Variants in ELAVL4 observed in about 807,000 individuals in gnomAD.
ELAVL4 encodes the protein ELAV-like protein 4.
A neutral mutation model predicts 35.6 loss-of-function variants in ELAVL4; 1 was observed. The observed-to-expected ratio is 0.03, with a 90% CI of 0.01 to 0.13. ELAVL4 has a LOEUF of 0.13. ELAVL4 is among the 10% of genes least tolerant of loss of function. The probability of loss-of-function intolerance (pLI) is 1.00; values close to 1 mark genes in which losing one functional copy is unlikely to be tolerated. For synonymous variants in ELAVL4, 156 were observed against 171.0 expected (o/e 0.91, Z 0.69); for missense variants, 267 against 464.9 (o/e 0.57, Z 3.91).
chr1:50,099,770 C>A (rs905776348), upstream of ELAVL4, among the ~76,000 whole-genome samples: 5 of 152,048 alleles, frequency 3.3e-5, no homozygotes, highest in African/African-American at 1.2e-4. Context: ...ATCAGTCACT[C>A]TCTACACCAC....
intron 2 of ELAVL4, among the ~76,000 whole-genome samples, chr1:50,148,211 GAGTCACCCC>G (rs1320740756): frequency 1.5e-4 from 23 of 152,154 alleles, no homozygotes; most frequent in African/African-American, 5.6e-4. Context: ...GTGGAGCTGG[GAGTCACCCC>G]TACTTTCCAA....
chr1:50,104,183 G>A (rs1666137951), upstream of ELAVL4, among the ~76,000 whole-genome samples: 3 of 152,092 alleles, frequency 2.0e-5, no homozygotes, highest in Admixed American at 2.0e-4. Flanking sequence ...CCAGTCCCCA[G>A]TATCCCCTTT....
At chr1:50,065,295 G>T (rs751864482) in intron 1 of ELAVL4, among the ~76,000 whole-genome samples, 3 of 152,160 alleles carry the variant, frequency 2.0e-5, no homozygotes, top group East Asian at 1.9e-4. Context: ...GAAGGAAAAG[G>T]TTAGAACAGA....
In ELAVL4 at chr1:50,133,580, G is replaced by GAGAA. The variant is rs758205798; in HGVS notation, c.10-11359_10-11356dup. Among the ~76,000 whole-genome samples the GAGAA allele has an allele frequency of 2.1e-4, 19 of 89,460 alleles. No individual in the cohort carries two copies. The South Asian group carries it at 2.4e-3, about 12-fold the overall frequency. 58.7% of individuals were successfully genotyped at this position (89,460 alleles called of 152,430 possible). The stretch of plus-strand genomic sequence containing the variant: ...TCTTATAAAAAGAAAGAAAGAGAGA[G>GAGAA]AGAAAGAAAGAAAGAAAGAAAAGAA... On this transcript the variant is annotated intron_variant, in intron 1 of 6. Transcript: ENST00000371824.
At chr1:50,099,024 A>G (rs748810069), upstream of ELAVL4, among the ~76,000 whole-genome samples, 6 of 152,234 alleles carry the variant, frequency 3.9e-5, no homozygotes, top group Non-Finnish European at 7.3e-5. Context: ...GGCTTTTTAT[A>G]ATAAGTCAGC....
intron 1 of ELAVL4, among the ~76,000 whole-genome samples, chr1:50,113,220 CTT>C (rs560487194): frequency 1.4e-5 from 2 of 144,374 alleles, no homozygotes; most frequent in African/African-American, 2.5e-5. Context: ...CAGAGTAAGT[CTT>C]TTTTTTTTTG....
At chr1:50,102,163 A>T (rs572911656), upstream of ELAVL4, among the ~76,000 whole-genome samples, 56 of 151,918 alleles carry the variant, frequency 3.7e-4, 1 homozygote, top group South Asian at 8.5e-3. Context: ...GGCGGGCACC[A>T]GTAGTCCCAG....
At chr1:50,106,530 G>A, upstream of ELAVL4, 1 of 647,398 alleles carries the variant, frequency 1.5e-6, no homozygotes, top group Non-Finnish European at 2.7e-6. Flanking sequence ...GCATGACTGG[G>A]AGACTCGCCT....
At chr1:50,146,974 G>C (rs1247946461) in intron 2 of ELAVL4, among the ~76,000 whole-genome samples, 1 of 151,966 alleles carries the variant, frequency 6.6e-6, no homozygotes, top group African/African-American at 2.4e-5. Flanking sequence ...TGCTAATTTG[G>C]TAGTTCACCG....
chr1:50,197,699 C>G (rs1336512294), intron 6 of ELAVL4: 1 of 436,606 alleles, frequency 2.3e-6, no homozygotes, highest in East Asian at 3.7e-5. Flanking sequence ...AGGTGGGCTT[C>G]TCCTATGGTT....
chr1:50,116,669 T>C (rs1054725869), intron 1 of ELAVL4, among the ~76,000 whole-genome samples: 4 of 152,116 alleles, frequency 2.6e-5, no homozygotes, highest in African/African-American at 4.8e-5. Flanking sequence ...TTCTAAGTGC[T>C]ACTTAAAAGT....
chr1:50,127,625 C>T (rs1396091719), intron 1 of ELAVL4, among the ~76,000 whole-genome samples: 1 of 152,118 alleles, frequency 6.6e-6, no homozygotes, highest in Non-Finnish European at 1.5e-5. Context: ...CCATGGAACT[C>T]AGTTATCCAA....
At chr1:50,165,139 T>C (rs1677516079) in intron 2 of ELAVL4, among the ~76,000 whole-genome samples, 1 of 152,134 alleles carries the variant, frequency 6.6e-6, no homozygotes, top group South Asian at 2.1e-4. Context: ...AAACTAAGGG[T>C]GCCCCTTTCC....
At chr1:50,067,560 G>A (rs911685769) in intron 1 of ELAVL4, among the ~76,000 whole-genome samples, 15 of 152,140 alleles carry the variant, frequency 9.9e-5, no homozygotes, top group East Asian at 9.6e-4. Context: ...TAGGTAAACC[G>A]ATACAGGGTT....
At chr1:50,174,942 T>C (rs1198103223) in intron 2 of ELAVL4, among the ~76,000 whole-genome samples, 1 of 152,220 alleles carries the variant, frequency 6.6e-6, no homozygotes, top group Non-Finnish European at 1.5e-5. Flanking sequence ...TAATTTTTGC[T>C]GTTAAGTGGT....
rs1339950426 is a variant in ELAVL4, at chr1:50,109,099, A to G, written c.-91A>G. 17 of 1,515,114 alleles carry G rather than the reference A, an allele frequency of 1.1e-5. No individual in the cohort carries two copies. Among genetic ancestry groups the G allele is most frequent in the Non-Finnish European group, 1.4e-5 (16 of 1,135,436 alleles). 93.9% of individuals were successfully genotyped at this position (1,515,114 alleles called of 1,614,324 possible). On this transcript the variant is annotated 5_prime_UTR_variant, in exon 1 of 7. Transcript: ENST00000371824. ...TGTGGATCTTTAATTATATATAACA[A>G]TAGTAGTCATTTTAAATATATATTC...
At chr1:50,160,091 A>G (rs539697078) in intron 2 of ELAVL4, among the ~76,000 whole-genome samples, 1 of 152,160 alleles carries the variant, frequency 6.6e-6, no homozygotes, top group Non-Finnish European at 1.5e-5. Context: ...TCAGGGTGAC[A>G]TTCCATTTTC....
intron 1 of ELAVL4, among the ~76,000 whole-genome samples, chr1:50,055,689 A>T (rs1663624045): frequency 6.6e-6 from 1 of 151,782 alleles, no homozygotes; most frequent in Admixed American, 6.6e-5. Flanking sequence ...AATTCTATAT[A>T]GGCCAGGCAC....
At chr1:50,191,841 G>A (rs1339057460) in intron 3 of ELAVL4, among the ~76,000 whole-genome samples, 2 of 152,188 alleles carry the variant, frequency 1.3e-5, no homozygotes, top group African/African-American at 2.4e-5. Flanking sequence ...TTTTGAGGGA[G>A]CACAAATGTC....
Sources: allele counts gnomAD v4.1 joint callset (sites outside exome capture counted in the v4.1 genomes callset), GRCh38; gene constraint gnomAD v4.1.1; transcripts MANE v1.5; gene names NCBI Gene and HGNC (gene_info 2026-07-23, HGNC 2026-07-21).